The following ZRANB1 variants were observed in gnomAD, a reference collection of about 807,000 sequenced individuals.
ZRANB1 encodes the protein ubiquitin thioesterase ZRANB1.
In ZRANB1, 16 loss-of-function variants were observed where a neutral mutation model predicts 80.5. The observed-to-expected ratio is 0.20, with a 90% CI of 0.13 to 0.30. The LOEUF (loss-of-function observed/expected upper bound fraction) is 0.30. ZRANB1 is among the 10% of genes least tolerant of loss of function. The pLI, the probability that ZRANB1 is intolerant of heterozygous loss-of-function variation, is 1.00. For synonymous variants in ZRANB1, 291 were observed against 293.1 expected, an observed-to-expected ratio of 0.99 and a Z score of 0.07; for missense variants, 576 against 862.6, an observed-to-expected ratio of 0.67 and a Z score of 4.16.
the ZRANB1 span, among the ~76,000 whole-genome samples, chr10:124,933,286 G>T: frequency 6.6e-6 from 1 of 151,472 alleles, no homozygotes; most frequent in Non-Finnish European, 1.5e-5. Context: ...ACAGGTGCGC[G>T]CCACCATGCC....
chr10:124,979,292 T>C (rs1206887925), intron 5 of ZRANB1, among the ~76,000 whole-genome samples: 1 of 152,266 alleles, frequency 6.6e-6, no homozygotes, highest in Admixed American at 6.5e-5. Context: ...ATGATGATAC[T>C]GAGTGTCTTT....
intron 2 of ZRANB1, among the ~76,000 whole-genome samples, chr10:124,970,932 G>A (rs1165925228): frequency 2.0e-5 from 3 of 148,092 alleles, no homozygotes; most frequent in Admixed American, 6.9e-5. Context: ...CCTCCTCCCG[G>A]GTTCAAGTGA....
the ZRANB1 span, among the ~76,000 whole-genome samples, chr10:124,931,840 C>A: frequency 6.6e-6 from 1 of 152,034 alleles, no homozygotes; most frequent in Non-Finnish European, 1.5e-5. Flanking sequence ...ACATAATCAC[C>A]CAAAGTACAT....
chr10:124,940,051 A>G (rs1951521238), upstream of ZRANB1, among the ~76,000 whole-genome samples: 1 of 152,158 alleles, frequency 6.6e-6, no homozygotes, highest in Non-Finnish European at 1.5e-5. Flanking sequence ...TTTGGATTTT[A>G]TCATCTTTTC....
upstream of ZRANB1, among the ~76,000 whole-genome samples, chr10:124,938,986 G>C (rs950483929): frequency 1.3e-5 from 2 of 151,918 alleles, no homozygotes; most frequent in African/African-American, 4.8e-5. Flanking sequence ...AGACCAGCCT[G>C]GCCAACACAG....
intron 1 of ZRANB1, among the ~76,000 whole-genome samples, chr10:124,958,002 TTACA>T (rs1951700964): frequency 6.6e-6 from 1 of 152,214 alleles, no homozygotes; most frequent in Non-Finnish European, 1.5e-5. Flanking sequence ...AGTGTTGGGA[TTACA>T]GGCGTGAGCC....
At chr10:124,930,129 A>T in the ZRANB1 span, among the ~76,000 whole-genome samples, 1 of 152,176 alleles carries the variant, frequency 6.6e-6, no homozygotes, top group Non-Finnish European at 1.5e-5. Flanking sequence ...ACTTAAAGAT[A>T]GGTAAGCCAT....
At chr10:124,951,895 T>G (rs1268851565) in intron 1 of ZRANB1, among the ~76,000 whole-genome samples, 5 of 152,066 alleles carry the variant, frequency 3.3e-5, no homozygotes, top group African/African-American at 1.2e-4. Flanking sequence ...AGGCGGAGGT[T>G]GCAGTGAGCT....
the ZRANB1 span, among the ~76,000 whole-genome samples, chr10:124,923,516 C>T: frequency 6.6e-6 from 1 of 152,002 alleles, no homozygotes; most frequent in East Asian, 1.9e-4. Context: ...ATCTTGAACC[C>T]AGGAGGTGGA....
At chr10:124,926,923 T>C in the ZRANB1 span, among the ~76,000 whole-genome samples, 2 of 152,178 alleles carry the variant, frequency 1.3e-5, no homozygotes, top group African/African-American at 2.4e-5. Context: ...CTGTCTTCGA[T>C]TGACACATGG....
chr10:124,940,082 A>G (rs1040574761), upstream of ZRANB1, among the ~76,000 whole-genome samples: 3 of 152,190 alleles, frequency 2.0e-5, no homozygotes, highest in Non-Finnish European at 4.4e-5. Flanking sequence ...ATAGAGTAAT[A>G]CAGGTAGGAA....
At position 124,986,270 on chromosome 10, in the gene ZRANB1, GAC is replaced by G. The variant is rs1397065826; in HGVS notation, c.*1283_*1284del. On this transcript the variant is annotated 3_prime_UTR_variant, in exon 9 of 9. Coordinates refer to ENST00000359653, the MANE Select transcript of ZRANB1 (RefSeq NM_017580.3). ...GATGTGGCCAGGAATTTGGAAAGAC[GAC>G]ACACGCACGCGCGCGCGCGCACACA... The G allele has an allele frequency of 2.5e-5, 2 of 80,692 alleles. No homozygotes were observed. The highest frequency in any genetic ancestry group is 4.6e-4 in the East Asian group (1 of 2,184). The allele number at this position is 80,692 out of a possible 1,614,324, so 5.0% of individuals were successfully genotyped here. A position where few individuals can be genotyped will look rare whatever the true frequency, so the allele number is the denominator to read the frequency against.
At chr10:124,981,898 A>C in intron 6 of ZRANB1, 69 bp downstream of exon 6, 1 of 1,582,598 alleles carries the variant, frequency 6.3e-7, no homozygotes, top group Non-Finnish European at 8.6e-7. Flanking sequence ...GGTTTATTTG[A>C]GCAAACCATG....
intron 1 of ZRANB1, among the ~76,000 whole-genome samples, chr10:124,953,147 G>A (rs1467792335): frequency 6.9e-6 from 1 of 144,992 alleles, no homozygotes; most frequent in African/African-American, 2.6e-5. Flanking sequence ...GGCCAGGCTG[G>A]TCTCAAATTC....
At chr10:124,981,069 GAC>G (rs1224003506) in intron 5 of ZRANB1, among the ~76,000 whole-genome samples, 2 of 152,192 alleles carry the variant, frequency 1.3e-5, no homozygotes, top group Non-Finnish European at 2.9e-5. Flanking sequence ...GTTTTTATAA[GAC>G]AGTGAACCAT....
chr10:124,926,972 T>G, the ZRANB1 span, among the ~76,000 whole-genome samples: 1 of 152,210 alleles, frequency 6.6e-6, no homozygotes, highest in South Asian at 2.1e-4. Context: ...TTTTTCTTTT[T>G]TTGAGATGGA....
At chr10:124,933,834 G>T in the ZRANB1 span, among the ~76,000 whole-genome samples, 1 of 152,190 alleles carries the variant, frequency 6.6e-6, no homozygotes, top group Non-Finnish European at 1.5e-5. Context: ...TTCTTGTTAC[G>T]ATTGAGGAAC....
chr10:124,963,265 CAAAAAA>C (rs397844792), intron 1 of ZRANB1, among the ~76,000 whole-genome samples: 1 of 62,370 alleles, frequency 1.6e-5, no homozygotes, highest in African/African-American at 5.5e-5. Flanking sequence ...GACTCTGTCT[CAAAAAA>C]AAAAAAAAAA....
the ZRANB1 span, among the ~76,000 whole-genome samples, chr10:124,928,944 A>C: frequency 6.6e-6 from 1 of 152,260 alleles, no homozygotes; most frequent in East Asian, 1.9e-4. Flanking sequence ...TAAAGGGAGA[A>C]TCATCTTGAC....
Sources: gnomAD v4.1 joint callset for allele counts (sites outside exome capture counted in the v4.1 genomes callset) on GRCh38, gnomAD v4.1.1 for gene constraint, MANE v1.5 for transcripts, NCBI Gene and HGNC (gene_info 2026-07-23, HGNC 2026-07-21) for gene names.